Variants in G6PC2 observed in about 807,000 individuals in gnomAD.
The protein encoded by G6PC2 is glucose-6-phosphatase 2.
Under a neutral mutation model 35.4 loss-of-function variants are expected in G6PC2, and 41 were observed. The ratio of observed to expected loss-of-function variants is 1.16; its 90% CI spans 0.90 to 1.50. G6PC2 has a LOEUF of 1.50. G6PC2 is among the 40% of genes most tolerant of loss of function. The pLI, the probability that G6PC2 is intolerant of heterozygous loss-of-function variation, is 0.00. For synonymous variants in G6PC2, 165 were observed against 153.2 expected, an observed-to-expected ratio of 1.08 and a Z score of -0.57; for missense variants, 441 against 426.5, an observed-to-expected ratio of 1.03 and a Z score of -0.30.
At chr2:168,901,806 G>A (rs2740590) in intron 1 of G6PC2, among the ~76,000 whole-genome samples, 18,066 of 150,068 alleles carry the variant, frequency 0.12, 1,257 homozygotes, top group Non-Finnish European at 0.16. Flanking sequence ...GCGTGATCTC[G>A]GCTCACTGCA....
Position 168,904,548 on chromosome 2 carries a change from T to G in G6PC2, c.372T>G (p.Tyr124Ter), listed in dbSNP as rs1319327701. Residue 124 changes from tyrosine (Y) to a stop codon, truncating the protein, a stop_gained, in exon 3 of 5, where the codon TAT becomes TAG. Coordinates refer to ENST00000375363, the MANE Select transcript of G6PC2 (RefSeq NM_021176.3). LOFTEE classifies it high-confidence loss of function. ...GHAMGASCVWYVMVTAALSHT... is the reference protein window; with the variant it reads ...GHAMGASCVW ...CAATGGGCGCATCCTGTGTCTGGTATGTCATGGTAACCGCTGCCCTGAGCC... is the reference window on the plus strand; with the variant it reads ...CAATGGGCGCATCCTGTGTCTGGTAGGTCATGGTAACCGCTGCCCTGAGCC... 1 of 1,613,014 alleles carries G rather than the reference T, an allele frequency of 6.2e-7. No individual in the cohort carries two copies. The highest frequency in any genetic ancestry group is 1.1e-5 in the South Asian group (1 of 91,050).
At chr2:168,905,181 T>G (rs531399746) in intron 3 of G6PC2, among the ~76,000 whole-genome samples, 4 of 152,332 alleles carry the variant, frequency 2.6e-5, no homozygotes, top group African/African-American at 7.2e-5. Context: ...GTAGGTTTCT[T>G]AATGTTTAGA....
At chr2:168,905,597 C>T (rs1181856231) in intron 3 of G6PC2, among the ~76,000 whole-genome samples, 2 of 152,158 alleles carry the variant, frequency 1.3e-5, no homozygotes, top group African/African-American at 2.4e-5. Flanking sequence ...TATTTACAGA[C>T]AATTTTCAAA....
intron 1 of G6PC2, 98 bp downstream of exon 1, chr2:168,901,647 G>A: frequency 1.4e-6 from 1 of 714,024 alleles, no homozygotes; most frequent in Non-Finnish European, 2.4e-6. Flanking sequence ...CGTTTTACTT[G>A]GAAAATCTTT....
Position 168,901,376 on chromosome 2 carries a change from G to T in G6PC2, c.45G>T (p.Leu15Phe). The stretch of plus-strand genomic sequence containing the variant: ...ATGGAGTGCTCATAATTCAGCATTT[G>T]CAGAAGGACTACCGAGCTTACTACA... The part of the protein sequence containing the change: ...HRNGVLIIQH[L>F]QKDYRAYYTF... Residue 15 changes from leucine to phenylalanine, a missense_variant, in exon 1 of 5, where the codon TTG becomes TTT. Transcript: ENST00000375363. 1 of 1,606,296 alleles carries T rather than the reference G, an allele frequency of 6.2e-7. No individual in the cohort carries two copies. The highest frequency in any genetic ancestry group is 8.5e-7 in the Non-Finnish European group (1 of 1,172,862).
chr2:168,902,366 G>C, intron 1 of G6PC2, 79 bp from the exon 2 acceptor site: 1 of 739,388 alleles, frequency 1.4e-6, no homozygotes, highest in Non-Finnish European at 2.5e-6. Context: ...ATTTTTTATA[G>C]GAAAGAATTG....
rs1690767000 is a variant in G6PC2 at position 168,908,218 on chromosome 2, G to A, written c.*139G>A. The A allele has an allele frequency of 2.7e-6, 2 of 737,786 alleles. No homozygotes were observed. The highest frequency in any genetic ancestry group is 1.7e-5 in the African/African-American group (1 of 57,212). 45.7% of individuals were successfully genotyped at this position (737,786 alleles called of 1,614,324 possible). On this transcript the variant is annotated 3_prime_UTR_variant, in exon 5 of 5. Transcript: ENST00000375363. ...CACAGGCCCCATTCCCCATAGAGATGTTTAGTTTGGCCTTCGCACTGGTCT... is the reference window on the plus strand; with the variant it reads ...CACAGGCCCCATTCCCCATAGAGATATTTAGTTTGGCCTTCGCACTGGTCT...
chr2:168,908,629 G>T lies in G6PC2; in HGVS notation c.*550G>T. The T allele has an allele frequency of 5.4e-6, 1 of 186,742 alleles. No homozygotes were observed. The highest frequency in any genetic ancestry group is 1.1e-5 in the Non-Finnish European group (1 of 88,296). 11.6% of individuals were successfully genotyped at this position (186,742 alleles called of 1,614,324 possible). On this transcript the variant is annotated 3_prime_UTR_variant, in exon 5 of 5. Coordinates refer to ENST00000375363, the MANE Select transcript of G6PC2 (RefSeq NM_021176.3). ...CTTCAGAGCAGGAATTAGAACCCAA[G>T]GCTTCTGACACATATCCCCATTACA...
At chr2:168,906,983 T>C (rs768009409) in intron 4 of G6PC2, among the ~76,000 whole-genome samples, 4 of 152,164 alleles carry the variant, frequency 2.6e-5, no homozygotes, top group Non-Finnish European at 5.9e-5. Flanking sequence ...ACAATCTCAG[T>C]GGCGTAAATG....
In G6PC2 at chr2:168,908,388, A is replaced by G. The variant is rs1690775990; in HGVS notation, c.*309A>G. The G allele has an allele frequency of 6.8e-6, 3 of 443,968 alleles. No individual in the cohort carries two copies. The highest frequency in any genetic ancestry group is 1.2e-5 in the Non-Finnish European group (3 of 243,860). 27.5% of individuals were successfully genotyped at this position (443,968 alleles called of 1,614,324 possible). A position where few individuals can be genotyped will look rare whatever the true frequency, so the allele number is the denominator to read the frequency against. ...TGGAGACAACTGACCAGAGCTGCATACTAACAGTCCCCAGTAGGAGGCAAG... is the reference window on the plus strand; with the variant it reads ...TGGAGACAACTGACCAGAGCTGCATGCTAACAGTCCCCAGTAGGAGGCAAG... On this transcript the variant is annotated 3_prime_UTR_variant, in exon 5 of 5. Coordinates refer to ENST00000375363, the MANE Select transcript of G6PC2 (RefSeq NM_021176.3).
chr2:168,907,606 A>T lies in G6PC2; in HGVS notation c.595A>T (p.Ile199Phe). The T allele has an allele frequency of 6.2e-7, 1 of 1,614,042 alleles. No individual in the cohort carries two copies. The highest frequency in any genetic ancestry group is 1.3e-5 in the African/African-American group (1 of 75,028). Residue 199 changes from isoleucine to phenylalanine, a missense_variant, in exon 5 of 5, where the codon ATC (isoleucine) becomes TTC (phenylalanine). Physicochemically the swap from Ile to Phe is conservative, Grantham distance 21. Transcript: ENST00000375363. Reference sequence around the variant, plus strand: ...AGAGGCCTTTGAACACACTCCAGGCATCCAAACGGCCAGTCTGGGCACATA... The same window carrying T: ...AGAGGCCTTTGAACACACTCCAGGCTTCCAAACGGCCAGTCTGGGCACATA... The part of the protein sequence containing the change: ...VAEAFEHTPG[I>F]QTASLGTYLK...
At chr2:168,904,266 T>G (rs1183435991) in intron 2 of G6PC2, among the ~76,000 whole-genome samples, 1 of 152,118 alleles carries the variant, frequency 6.6e-6, no homozygotes, top group Non-Finnish European at 1.5e-5. Context: ...GTATATTGAT[T>G]TCTGGAATTC....
chr2:168,903,740 A>G (rs766897331), intron 2 of G6PC2, among the ~76,000 whole-genome samples: 3 of 152,246 alleles, frequency 2.0e-5, no homozygotes, highest in Non-Finnish European at 4.4e-5. Flanking sequence ...TGTTTAACAA[A>G]TAAGAGACTG....
Position 168,908,198 on chromosome 2 carries a change from G to A in G6PC2, c.*119G>A, listed in dbSNP as rs1690765968. The A allele has an allele frequency of 1.2e-6, 1 of 843,792 alleles. No individual in the cohort carries two copies. Among genetic ancestry groups the A allele is most frequent in the Non-Finnish European group, 2.0e-6 (1 of 496,956 alleles). 52.3% of individuals were successfully genotyped at this position (843,792 alleles called of 1,614,324 possible). On this transcript the variant is annotated 3_prime_UTR_variant, in exon 5 of 5. Coordinates refer to ENST00000375363, the MANE Select transcript of G6PC2 (RefSeq NM_021176.3). ...CCGACTTCACAGAATAGCGGCACAG[G>A]CCCCATTCCCCATAGAGATGTTTAG... is the stretch of plus-strand genomic sequence containing the variant.
intron 4 of G6PC2, 129 bp from the exon 5 acceptor site, chr2:168,907,439 T>C (rs376252255): frequency 2.1e-6 from 2 of 952,458 alleles, no homozygotes; most frequent in African/African-American, 3.2e-5. Flanking sequence ...CTTTGGAAAA[T>C]GGATAGAACC....
At chr2:168,904,134 C>A (rs1442335039) in intron 2 of G6PC2, among the ~76,000 whole-genome samples, 1 of 151,524 alleles carries the variant, frequency 6.6e-6, no homozygotes, top group Non-Finnish European at 1.5e-5. Flanking sequence ...TGGCAAAAAC[C>A]GCAATTACTC....
At chr2:168,904,644 C>A in intron 3 of G6PC2, 28 bp downstream of exon 3, 2 of 1,146,874 alleles carry the variant, frequency 1.7e-6, no homozygotes, top group Non-Finnish European at 2.7e-6. Context: ...TTCTGTAGCA[C>A]TGGAATATGA....
intron 3 of G6PC2, 47 bp downstream of exon 3, chr2:168,904,663 A>C (rs765419087): frequency 1.3e-5 from 13 of 984,442 alleles, no homozygotes; most frequent in Non-Finnish European, 2.0e-5. Flanking sequence ...GACAGTTTTT[A>C]ATACAGAAAG....
In G6PC2 at chr2:168,904,450, T is replaced by G. The variant is rs1690663930; in HGVS notation, c.329-55T>G. On this transcript the variant is annotated intron_variant, in intron 2 of 4. Coordinates refer to ENST00000375363, the MANE Select transcript of G6PC2 (RefSeq NM_021176.3). ...GGGAATATGCTATTCTATTATTCAT[T>G]TCTGATCTTGATAGTTAACCACTTT... is the stretch of plus-strand genomic sequence containing the variant. 3 of 892,488 alleles carry G rather than the reference T, an allele frequency of 3.4e-6. No individual in the cohort carries two copies. In the South Asian group the frequency reaches 3.9e-5, roughly 12 times the overall value. The allele number at this position is 892,488 out of a possible 1,614,324, so 55.3% of individuals were successfully genotyped here. A position where few individuals can be genotyped will look rare whatever the true frequency, so the allele number is the denominator to read the frequency against.
Sources: allele counts gnomAD v4.1 joint callset (sites outside exome capture counted in the v4.1 genomes callset), GRCh38; gene constraint gnomAD v4.1.1; transcripts MANE v1.5; gene names NCBI Gene and HGNC (gene_info 2026-07-23, HGNC 2026-07-21).